SPPL2A: variants seen among roughly 807,000 people sequenced by gnomAD.
SPPL2A encodes the protein signal peptide peptidase-like 2A.
In SPPL2A, 51 loss-of-function variants were observed where a neutral mutation model predicts 63.8. That is an observed-to-expected ratio of 0.80 (90% confidence interval 0.64 to 1.01). SPPL2A has a LOEUF of 1.01. Among genes scored for constraint, SPPL2A ranks in the 50% least tolerant of loss-of-function variants. The pLI, the probability that SPPL2A is intolerant of heterozygous loss-of-function variation, is 0.00. For synonymous variants in SPPL2A, 188 were observed against 205.8 expected (o/e 0.91, Z 0.74); for missense variants, 553 against 622.7 (o/e 0.89, Z 1.19).
chr15:50,736,472 A>G (rs2062772133), intron 7 of SPPL2A, among the ~76,000 whole-genome samples, 172 bp downstream of exon 7: 1 of 152,228 alleles, frequency 6.6e-6, no homozygotes, highest in South Asian at 2.1e-4. Flanking sequence ...TGTGGCTAAT[A>G]AGAATGAAAA....
intron 14 of SPPL2A, among the ~76,000 whole-genome samples, chr15:50,710,596 G>A (rs1012523882): frequency 6.6e-6 from 1 of 152,216 alleles, no homozygotes; most frequent in African/African-American, 2.4e-5. Context: ...GATTTGGAAA[G>A]ATGGGCTCTG....
intron 6 of SPPL2A, among the ~76,000 whole-genome samples, chr15:50,738,551 A>G (rs71397507): frequency 0.08 from 11,573 of 144,568 alleles, 553 homozygotes; most frequent in Non-Finnish European, 0.12. Context: ...TCTGTTTCCA[A>G]AAAAAAAAAA....
At chr15:50,726,458 T>A (rs2062689320) in intron 10 of SPPL2A, 81 bp from the exon 11 acceptor site, 2 of 1,275,976 alleles carry the variant, frequency 1.6e-6, no homozygotes, top group South Asian at 2.5e-5. Context: ...TTAAGCCCCA[T>A]GGCATATGGC....
At chr15:50,726,140 C>T (rs2062686028) in intron 11 of SPPL2A, 181 bp downstream of exon 11, 2 of 1,522,878 alleles carry the variant, frequency 1.3e-6, no homozygotes, top group African/African-American at 1.4e-5. Context: ...GGATGAAACC[C>T]AAGTCAATAG....
chr15:50,707,194 C>G lies in SPPL2A; in HGVS notation c.*606G>C, dbSNP rs78789557. ...AGTGCAGTGGCGTGATCTTGGCTCACTGCAAGCTCCACTTCCCGGGTTCAC... is the reference window on the plus strand; with the variant it reads ...AGTGCAGTGGCGTGATCTTGGCTCAGTGCAAGCTCCACTTCCCGGGTTCAC... On this transcript the variant is annotated 3_prime_UTR_variant, in exon 15 of 15. Coordinates refer to ENST00000261854, the MANE Select transcript of SPPL2A (RefSeq NM_032802.4). 0.17 allele frequency: 25,791 copies of G among 152,116 alleles called. 2,734 individuals are homozygous for G. Among genetic ancestry groups the G allele is most frequent in the East Asian group, 0.46 (2,356 of 5,142 alleles). 9.4% of individuals were successfully genotyped at this position (152,116 alleles called of 1,614,324 possible).
Position 50,707,703 on chromosome 15 carries a change from T to C in SPPL2A, c.*97A>G. 2.9e-6 allele frequency: 2 copies of C among 687,512 alleles called. No individual in the cohort carries two copies. Among genetic ancestry groups the C allele is most frequent in the South Asian group, 3.4e-5 (2 of 58,190 alleles). 42.6% of individuals were successfully genotyped at this position (687,512 alleles called of 1,614,324 possible). ...AAATATATTTTTGCAAGCATATCAT[T>C]GAAGACTCTTTCAGATTGTCAATTC... On this transcript the variant is annotated 3_prime_UTR_variant, in exon 15 of 15. Coordinates refer to ENST00000261854, the MANE Select transcript of SPPL2A (RefSeq NM_032802.4).
Position 50,736,168 on chromosome 15 carries a change from G to T in SPPL2A, c.865C>A (p.Leu289Ile), listed in dbSNP as rs1301636318. ...ATGCACAGTCCAGAGAGAAAAATAA[G>T]TCTCACTTCCATGTTTTTGCCACGA... ...ACRGKNMEVR[L>I]IFLSGLCIAV... is the part of the protein sequence containing the mutation. Residue 289 changes from leucine to isoleucine, a missense_variant, in exon 8 of 15, where the codon CTT (leucine) becomes ATT (isoleucine). Coordinates refer to ENST00000261854, the MANE Select transcript of SPPL2A (RefSeq NM_032802.4). 1 of 1,613,082 alleles carries T rather than the reference G, an allele frequency of 6.2e-7. No individual in the cohort carries two copies. The highest frequency in any genetic ancestry group is 2.2e-5 in the East Asian group (1 of 44,816).
chr15:50,730,383 G>A (rs1209022317), intron 10 of SPPL2A, among the ~76,000 whole-genome samples: 2 of 152,068 alleles, frequency 1.3e-5, no homozygotes, highest in Non-Finnish European at 2.9e-5. Flanking sequence ...TTCTCTTGAC[G>A]CCAGTCCCAC....
At chr15:50,764,906 C>A (rs1260962324) in intron 1 of SPPL2A, among the ~76,000 whole-genome samples, 1 of 134,630 alleles carries the variant, frequency 7.4e-6, no homozygotes, top group Non-Finnish European at 1.6e-5. Flanking sequence ...TATTAAAACC[C>A]CCCCTCCAAA....
chr15:50,707,836 G>T lies in SPPL2A; in HGVS notation c.1527C>A (p.Asn509Lys). The T allele has an allele frequency of 6.3e-7, 1 of 1,596,332 alleles. No homozygotes were observed. The highest frequency in any genetic ancestry group is 1.1e-5 in the South Asian group (1 of 90,740). ...DHLDCATNEE[N>K]PVISGEQIVQ... is the part of the protein sequence containing the mutation. ...CAATCTGTTCACCAGATATCACAGG[G>T]TTTTCTTCATTTGTTGCACAATCCA... The change falls in exon 15 of 15, where the codon AAC (asparagine) becomes AAA (lysine). Residue 509 changes from asparagine (N) to lysine (K), a missense_variant. Asn to Lys is a moderately conservative substitution (Grantham distance 94). Transcript: ENST00000261854.
Position 50,707,624 on chromosome 15 carries a change from T to A in SPPL2A, c.*176A>T. On this transcript the variant is annotated 3_prime_UTR_variant, in exon 15 of 15. Transcript: ENST00000261854. ...TAATGTGAAGGCACAACTTTAACAT[T>A]AAAAGCAAAGCGTTTTAGTTATTTA... is the stretch of plus-strand genomic sequence containing the variant. The A allele has an allele frequency of 1.8e-6, 1 of 556,966 alleles. No individual in the cohort carries two copies. The highest frequency in any genetic ancestry group is 3.2e-6 in the Non-Finnish European group (1 of 313,770). The allele number at this position is 556,966 out of a possible 1,614,324, so 34.5% of individuals were successfully genotyped here. A position where few individuals can be genotyped will look rare whatever the true frequency, so the allele number is the denominator to read the frequency against.
At chr15:50,751,235 T>C (rs914701534) in intron 1 of SPPL2A, among the ~76,000 whole-genome samples, 4 of 152,350 alleles carry the variant, frequency 2.6e-5, no homozygotes, top group African/African-American at 9.6e-5. Flanking sequence ...TGGATTCTGA[T>C]AGCAGAGATG....
intron 7 of SPPL2A, 21 bp downstream of exon 7, chr15:50,736,623 T>C (rs140451490): frequency 0.015 from 20,852 of 1,350,902 alleles, 271 homozygotes; most frequent in Non-Finnish European, 0.017. Flanking sequence ...CATTATAAGA[T>C]TTCCTGTAAG....
At chr15:50,748,465 T>C (rs1271684540) in intron 3 of SPPL2A, among the ~76,000 whole-genome samples, 1 of 151,748 alleles carries the variant, frequency 6.6e-6, no homozygotes, top group Non-Finnish European at 1.5e-5. Flanking sequence ...TATGCATATA[T>C]ATATATTTGT....
chr15:50,758,596 G>T (rs1427981064), intron 1 of SPPL2A, among the ~76,000 whole-genome samples: 1 of 152,024 alleles, frequency 6.6e-6, no homozygotes, highest in African/African-American at 2.4e-5. Context: ...CCAAAGGGCT[G>T]CAATTATAGG....
chr15:50,736,906 G>GT lies in SPPL2A; in HGVS notation c.734-167_734-166insA, dbSNP rs1162635988. 5.5e-3 allele frequency among the ~76,000 whole-genome samples: 825 copies of GT among 150,374 alleles called. 5 individuals carry two copies. Among genetic ancestry groups the GT allele is most frequent in the Non-Finnish European group, 9.8e-3 (661 of 67,222 alleles). The stretch of plus-strand genomic sequence containing the variant: ...TACTAAGCTGAAATTTAGATCGTGA[G>GT]GTTTTTTGTTTTTTTTTCTGAGAGT... On this transcript the variant is annotated intron_variant, in intron 6 of 14. Transcript: ENST00000261854.
At chr15:50,761,845 T>C (rs563946583) in intron 1 of SPPL2A, among the ~76,000 whole-genome samples, 14 of 151,898 alleles carry the variant, frequency 9.2e-5, no homozygotes, top group South Asian at 2.1e-4. Flanking sequence ...GGCAGGAGAA[T>C]TGCTAGAACC....
chr15:50,756,086 C>T (rs980889665), intron 1 of SPPL2A, among the ~76,000 whole-genome samples: 1 of 151,558 alleles, frequency 6.6e-6, no homozygotes, highest in Non-Finnish European at 1.5e-5. Flanking sequence ...CTGGACTGGG[C>T]GTGGTGGCTC....
intron 1 of SPPL2A, among the ~76,000 whole-genome samples, chr15:50,760,966 T>G (rs1040131378): frequency 2.0e-5 from 3 of 151,972 alleles, no homozygotes; most frequent in African/African-American, 7.3e-5. Context: ...TTCAAATTCT[T>G]TGAAGAAAAA....
Sources: allele counts gnomAD v4.1 joint callset (sites outside exome capture counted in the v4.1 genomes callset), GRCh38; gene constraint gnomAD v4.1.1; transcripts MANE v1.5; gene names NCBI Gene and HGNC (gene_info 2026-07-23, HGNC 2026-07-21).